TBC1D22B: variants seen among roughly 807,000 people sequenced by gnomAD.
TBC1D22B encodes chromosome 6 open reading frame 197.
TBC1D22B carries 32 observed loss-of-function variants against 69.1 expected under a neutral mutation model. The observed-to-expected ratio is 0.46, with a 90% CI of 0.35 to 0.62. TBC1D22B has a LOEUF of 0.62. Ranked by LOEUF, TBC1D22B falls within the 20% of genes least tolerant of loss-of-function variation. The pLI is 0.00. For synonymous variants in TBC1D22B, 206 were observed against 229.8 expected (o/e 0.90, Z 0.94); for missense variants, 462 against 630.9 (o/e 0.73, Z 2.87).
At chr6:37,318,263 C>G (rs1427574475) in intron 12 of TBC1D22B, among the ~76,000 whole-genome samples, 1 of 152,152 alleles carries the variant, frequency 6.6e-6, no homozygotes, top group Non-Finnish European at 1.5e-5. Context: ...GTAGAGCCAA[C>G]AAGATTTCCT....
chr6:37,313,817 A>T lies in TBC1D22B; in HGVS notation c.1091A>T (p.Asp364Val). Residue 364 changes from aspartate to valine, a missense_variant and splice_region_variant, in exon 10 of 13, where the codon GAT becomes GTT. By Grantham distance (152) the Asp-to-Val change is radical (BLOSUM62 -3). Coordinates refer to ENST00000373491, the MANE Select transcript of TBC1D22B (RefSeq NM_017772.4). ...CMSKLLDGIQDNYTFAQPGIQ... is the reference protein window; with the variant it reads ...CMSKLLDGIQVNYTFAQPGIQ... The stretch of plus-strand genomic sequence containing the variant: ...TCCTGGGCTCTGTGTCATTTGCAGG[A>T]TAACTACACCTTTGCACAACCAGGA... The T allele has an allele frequency of 6.2e-7, 1 of 1,614,158 alleles. No individual in the cohort carries two copies. The highest frequency in any genetic ancestry group is 8.5e-7 in the Non-Finnish European group (1 of 1,179,976).
chr6:37,265,653 C>G (rs1766248761), intron 1 of TBC1D22B, among the ~76,000 whole-genome samples: 1 of 151,924 alleles, frequency 6.6e-6, no homozygotes, highest in Non-Finnish European at 1.5e-5. Flanking sequence ...CCTTTAAACA[C>G]ATCAATTAGT....
chr6:37,278,274 A>G (rs999571276), intron 2 of TBC1D22B, among the ~76,000 whole-genome samples: 7 of 152,244 alleles, frequency 4.6e-5, no homozygotes, highest in African/African-American at 1.7e-4. Context: ...TCTTAAAGAC[A>G]GAGTAGCACC....
intron 2 of TBC1D22B, among the ~76,000 whole-genome samples, chr6:37,277,730 A>G (rs990922707): frequency 2.0e-5 from 3 of 152,012 alleles, no homozygotes; most frequent in Middle Eastern, 6.8e-3. Flanking sequence ...CACCTCCCAA[A>G]GTGCTGGGAT....
chr6:37,327,011 A>T (rs961190041), intron 12 of TBC1D22B, among the ~76,000 whole-genome samples: 16 of 152,290 alleles, frequency 1.1e-4, no homozygotes, highest in Admixed American at 1.0e-3. Flanking sequence ...CTACCTGAGG[A>T]GAATGTTAGC....
At position 37,332,741 on chromosome 6, in the gene TBC1D22B, G is replaced by A. The variant is rs1443568627; in HGVS notation, c.*1569G>A. ...CGGTGTGAGTTAGGTTTCTCATCTG[G>A]AGCTGTTTCTCAGGCATTCTTCCCA... On this transcript the variant is annotated 3_prime_UTR_variant, in exon 13 of 13. Transcript: ENST00000373491. 6.5e-6 allele frequency: 1 copy of A among 152,720 alleles called. No homozygotes were observed. The highest frequency in any genetic ancestry group is 1.5e-5 in the Non-Finnish European group (1 of 68,128). 9.5% of individuals were successfully genotyped at this position (152,720 alleles called of 1,614,324 possible).
chr6:37,280,870 G>A (rs578127980), intron 3 of TBC1D22B, among the ~76,000 whole-genome samples: 1 of 150,112 alleles, frequency 6.7e-6, no homozygotes, highest in South Asian at 2.1e-4. Flanking sequence ...GTGCTGGTTG[G>A]TTGATAGTCA....
intron 1 of TBC1D22B, among the ~76,000 whole-genome samples, chr6:37,264,812 A>C (rs1766220794): frequency 2.0e-5 from 3 of 152,216 alleles, no homozygotes; most frequent in South Asian, 2.1e-4. Flanking sequence ...AAAGCATTCC[A>C]AGTAGGGAAA....
intron 2 of TBC1D22B, among the ~76,000 whole-genome samples, chr6:37,269,879 G>A (rs1198066035): frequency 6.6e-6 from 1 of 152,102 alleles, no homozygotes; most frequent in Non-Finnish European, 1.5e-5. Flanking sequence ...GTATATGTAG[G>A]GTTTGGTATT....
At chr6:37,306,469 G>A (rs1490970247) in intron 8 of TBC1D22B, among the ~76,000 whole-genome samples, 1 of 152,118 alleles carries the variant, frequency 6.6e-6, no homozygotes, top group Non-Finnish European at 1.5e-5. Context: ...TGGTCTTTGG[G>A]CAGGTCCTAG....
At chr6:37,272,187 C>A (rs1766508089) in intron 2 of TBC1D22B, among the ~76,000 whole-genome samples, 1 of 152,138 alleles carries the variant, frequency 6.6e-6, no homozygotes, top group East Asian at 1.9e-4. Context: ...ATCTCAGCCT[C>A]CTTAGTAGCT....
chr6:37,265,754 A>G (rs1766252849), intron 1 of TBC1D22B, among the ~76,000 whole-genome samples: 1 of 152,162 alleles, frequency 6.6e-6, no homozygotes, highest in Admixed American at 6.6e-5. Flanking sequence ...TTAGGGAGTA[A>G]AGATTCTTAT....
intron 12 of TBC1D22B, among the ~76,000 whole-genome samples, chr6:37,320,630 G>A (rs1303753204): frequency 6.6e-6 from 1 of 152,186 alleles, no homozygotes; most frequent in African/African-American, 2.4e-5. Context: ...AGGCATCAGA[G>A]TACACAGGGG....
At chr6:37,288,352 C>G (rs185614064) in intron 7 of TBC1D22B, among the ~76,000 whole-genome samples, 36 of 152,282 alleles carry the variant, frequency 2.4e-4, no homozygotes, top group Non-Finnish European at 2.9e-5. Context: ...TGGAGATGTT[C>G]AGAGACTTTT....
intron 8 of TBC1D22B, among the ~76,000 whole-genome samples, chr6:37,297,835 C>A (rs1483111116): frequency 6.6e-6 from 1 of 152,120 alleles, no homozygotes; most frequent in African/African-American, 2.4e-5. Flanking sequence ...GAAAATGTGA[C>A]ACATTTACAC....
chr6:37,298,220 A>G (rs1767449321), intron 8 of TBC1D22B, among the ~76,000 whole-genome samples: 3 of 152,224 alleles, frequency 2.0e-5, no homozygotes, highest in African/African-American at 7.2e-5. Flanking sequence ...AAAACAATAT[A>G]GAAGTGTTAA....
chr6:37,313,942 T>A (rs747712079), intron 10 of TBC1D22B, 51 bp downstream of exon 10: 1 of 1,564,016 alleles, frequency 6.4e-7, no homozygotes, highest in Non-Finnish European at 8.8e-7. Context: ...TTGATTCTGT[T>A]ATGAGGCGGT....
chr6:37,316,986 C>G, intron 11 of TBC1D22B, 125 bp from the exon 12 acceptor site: 1 of 1,469,644 alleles, frequency 6.8e-7, no homozygotes, highest in Non-Finnish European at 9.3e-7. Flanking sequence ...TGCTAAGTCT[C>G]TTCAGAACTC....
intron 12 of TBC1D22B, among the ~76,000 whole-genome samples, chr6:37,327,285 T>C (rs939735588): frequency 7.2e-6 from 1 of 139,762 alleles, no homozygotes; most frequent in East Asian, 2.0e-4. Flanking sequence ...GAGACCATCC[T>C]GGCTAACACG....
Sources: allele counts gnomAD v4.1 joint callset (sites outside exome capture counted in the v4.1 genomes callset), GRCh38; gene constraint gnomAD v4.1.1; transcripts MANE v1.5; gene names NCBI Gene and HGNC (gene_info 2026-07-23, HGNC 2026-07-21).